Variants in MYO3A observed in about 807,000 individuals in gnomAD.
MYO3A encodes the protein myosin IIIA.
In MYO3A, 180 loss-of-function variants were observed where a neutral mutation model predicts 192.7. The observed-to-expected ratio is 0.93, with a 90% CI of 0.83 to 1.06. MYO3A has a LOEUF of 1.06. Among genes scored for constraint, MYO3A ranks in the 50% least tolerant of loss-of-function variants. The probability of loss-of-function intolerance (pLI) is 0.00; values close to 1 mark genes in which losing one functional copy is unlikely to be tolerated. For synonymous variants in MYO3A, 628 were observed against 645.3 expected (o/e 0.97, Z 0.41); for missense variants, 1,896 against 1,905.0 (o/e 1.00, Z 0.09).
intron 14 of MYO3A, among the ~76,000 whole-genome samples, chr10:26,081,184 C>T (rs531241527): frequency 2.2e-5 from 3 of 134,772 alleles, no homozygotes; most frequent in Admixed American, 7.8e-5. Context: ...GACCGTCAGG[C>T]GGGGGCAGGG....
chr10:26,104,912 C>T (rs1182493851), intron 17 of MYO3A, among the ~76,000 whole-genome samples: 1 of 151,386 alleles, frequency 6.6e-6, no homozygotes, highest in Non-Finnish European at 1.5e-5. Context: ...CAGATGTTGA[C>T]ACATGCATAT....
chr10:26,197,432 T>G (rs184158776), intron 32 of MYO3A, among the ~76,000 whole-genome samples: 80 of 152,350 alleles, frequency 5.3e-4, no homozygotes, highest in African/African-American at 1.9e-3. Context: ...ATGGGACTAT[T>G]GGGTTGGTTT....
At chr10:26,133,309 T>G (rs540175674) in intron 20 of MYO3A, among the ~76,000 whole-genome samples, 24 of 152,316 alleles carry the variant, frequency 1.6e-4, no homozygotes, top group African/African-American at 5.8e-4. Context: ...AAATATTCCT[T>G]AAATGTTTCA....
At chr10:26,023,974 A>C in intron 8 of MYO3A, 48 bp from the exon 9 acceptor site, 3 of 1,537,438 alleles carry the variant, frequency 2.0e-6, no homozygotes, top group Non-Finnish European at 2.7e-6. Context: ...CTCATTTTAC[A>C]CTGACTGACC....
chr10:26,122,581 AGTT>A (rs535915575), intron 18 of MYO3A, among the ~76,000 whole-genome samples: 244 of 152,278 alleles, frequency 1.6e-3, no homozygotes, highest in African/African-American at 5.7e-3. Flanking sequence ...GTGACCTCCC[AGTT>A]GTTCATTTCA....
chr10:26,156,371 C>G (rs531580836), intron 25 of MYO3A, among the ~76,000 whole-genome samples: 1 of 152,312 alleles, frequency 6.6e-6, no homozygotes, highest in East Asian at 1.9e-4. Context: ...ATTACCTCAC[C>G]AATAAATGTG....
intron 10 of MYO3A, among the ~76,000 whole-genome samples, chr10:26,044,522 T>C (rs1049232917): frequency 2.6e-5 from 4 of 152,242 alleles, no homozygotes; most frequent in African/African-American, 9.6e-5. Flanking sequence ...GAGTGTCAGC[T>C]GAGTTCAGCC....
chr10:26,111,908 C>T (rs1353939539), intron 17 of MYO3A, among the ~76,000 whole-genome samples: 3 of 152,186 alleles, frequency 2.0e-5, no homozygotes, highest in Non-Finnish European at 2.9e-5. Flanking sequence ...GCTCTTTTCC[C>T]TGCCTTTTGT....
At chr10:26,187,990 C>G (rs1842943934) in intron 31 of MYO3A, among the ~76,000 whole-genome samples, 1 of 152,112 alleles carries the variant, frequency 6.6e-6, no homozygotes, top group African/African-American at 2.4e-5. Context: ...GATTTATAAT[C>G]CTTTGAGTAT....
At chr10:26,181,088 G>T (rs1297846686) in intron 31 of MYO3A, among the ~76,000 whole-genome samples, 1 of 152,036 alleles carries the variant, frequency 6.6e-6, no homozygotes, top group Non-Finnish European at 1.5e-5. Context: ...ATTGACCTGA[G>T]TATTTATAAA....
chr10:26,045,687 T>C (rs1006035304), intron 10 of MYO3A, among the ~76,000 whole-genome samples: 1 of 152,134 alleles, frequency 6.6e-6, no homozygotes, highest in African/African-American at 2.4e-5. Flanking sequence ...TCCCCGGTCC[T>C]CCTTTCATCT....
intron 20 of MYO3A, among the ~76,000 whole-genome samples, chr10:26,135,825 G>A (rs1369480681): frequency 6.6e-6 from 1 of 151,842 alleles, no homozygotes; most frequent in Non-Finnish European, 1.5e-5. Context: ...AATTAGCCGG[G>A]CATGGTGGTG....
At chr10:25,934,542 C>T (rs902427710) in intron 1 of MYO3A, among the ~76,000 whole-genome samples, 3 of 150,250 alleles carry the variant, frequency 2.0e-5, no homozygotes, top group African/African-American at 4.9e-5. Flanking sequence ...AGAGGGGACT[C>T]GAGGGGAGAA....
chr10:26,154,369 AG>A (rs1331938375), intron 24 of MYO3A, among the ~76,000 whole-genome samples: 1 of 152,130 alleles, frequency 6.6e-6, no homozygotes, highest in Admixed American at 6.6e-5. Context: ...TAGTAGAGAC[AG>A]GATTTCACCA....
intron 17 of MYO3A, among the ~76,000 whole-genome samples, chr10:26,103,240 G>A (rs1296744633): frequency 6.6e-6 from 1 of 152,186 alleles, no homozygotes; most frequent in Non-Finnish European, 1.5e-5. Flanking sequence ...CATTGGAAAA[G>A]CACAGTATTA....
At chr10:25,944,692 A>G (rs1245684321) in intron 2 of MYO3A, among the ~76,000 whole-genome samples, 1 of 152,068 alleles carries the variant, frequency 6.6e-6, no homozygotes, top group Non-Finnish European at 1.5e-5. Flanking sequence ...TTGTTGGCAT[A>G]CAAATGTTAA....
intron 19 of MYO3A, among the ~76,000 whole-genome samples, chr10:26,126,878 A>T (rs1166208815): frequency 1.3e-5 from 2 of 152,204 alleles, no homozygotes; most frequent in Admixed American, 6.5e-5. Context: ...CTTAGATTTT[A>T]AAATTTTTTA....
intron 4 of MYO3A, among the ~76,000 whole-genome samples, chr10:25,968,060 C>A (rs1838372331): frequency 6.6e-6 from 1 of 151,868 alleles, no homozygotes; most frequent in African/African-American, 2.4e-5. Flanking sequence ...TTGCTGAGCA[C>A]TAAGAAGCTG....
chr10:26,095,994 TGAGACA>T (rs1837002118), intron 15 of MYO3A, among the ~76,000 whole-genome samples: 1 of 152,118 alleles, frequency 6.6e-6, no homozygotes, highest in African/African-American at 2.4e-5. Context: ...GGTGGGTTAA[TGAGACA>T]ATGTAGCACT....
Sources: allele counts gnomAD v4.1 joint callset (sites outside exome capture counted in the v4.1 genomes callset), GRCh38; gene constraint gnomAD v4.1.1; transcripts MANE v1.5; gene names NCBI Gene and HGNC (gene_info 2026-07-23, HGNC 2026-07-21).